GABRB1: variants seen among roughly 807,000 people sequenced by gnomAD.
GABRB1 encodes gamma-aminobutyric acid type A receptor subunit beta1.
A neutral mutation model predicts 51.6 loss-of-function variants in GABRB1; 17 were observed. The observed-to-expected ratio is 0.33, with a 90% CI of 0.23 to 0.49. GABRB1 has a LOEUF of 0.49. GABRB1 is among the 20% of genes least tolerant of loss of function. The pLI is 0.99. For synonymous variants in GABRB1, 247 were observed against 218.9 expected (o/e 1.13, Z -1.14); for missense variants, 410 against 600.6 (o/e 0.68, Z 3.32).
intron 4 of GABRB1, among the ~76,000 whole-genome samples, chr4:47,301,456 G>A (rs532291739): frequency 6.5e-4 from 94 of 143,624 alleles, no homozygotes; most frequent in Non-Finnish European, 1.0e-3. Context: ...GGACAACATA[G>A]TGAGATCCCC....
chr4:47,278,680 A>G (rs1723170798), intron 4 of GABRB1, among the ~76,000 whole-genome samples: 1 of 152,106 alleles, frequency 6.6e-6, no homozygotes, highest in Non-Finnish European at 1.5e-5. Flanking sequence ...ATACGTTTCC[A>G]TTTCTGCTCC....
chr4:47,338,726 G>C (rs891337660), intron 5 of GABRB1, among the ~76,000 whole-genome samples: 91 of 152,282 alleles, frequency 6.0e-4, no homozygotes, highest in Non-Finnish European at 9.1e-4. Context: ...TGATTGCTCA[G>C]CCCGCTTGGT....
Position 47,265,194 on chromosome 4 carries a change from T to A in GABRB1, c.462-54933T>A, listed in dbSNP as rs56781609. 9.1e-3 allele frequency among the ~76,000 whole-genome samples: 1,393 copies of A among 152,292 alleles called. 21 individuals are homozygous for A. Among genetic ancestry groups the A allele is most frequent in the African/African-American group, 0.032 (1,335 of 41,572 alleles). ...TTTAGCTCCCACTTATAGGTGAGAA[T>A]GTGCAATATTTGACTTTCTGTGTCT... On this transcript the variant is annotated intron_variant, in intron 4 of 8. Coordinates refer to ENST00000295454, the MANE Select transcript of GABRB1 (RefSeq NM_000812.4).
At chr4:47,331,890 C>T (rs1725498786) in intron 5 of GABRB1, among the ~76,000 whole-genome samples, 1 of 152,172 alleles carries the variant, frequency 6.6e-6, no homozygotes, top group Non-Finnish European at 1.5e-5. Flanking sequence ...GATTTGAACT[C>T]AGTCAATCTG....
At chr4:47,325,765 T>C (rs567637713) in intron 5 of GABRB1, among the ~76,000 whole-genome samples, 97 of 152,340 alleles carry the variant, frequency 6.4e-4, no homozygotes, top group Non-Finnish European at 1.3e-3. Context: ...GAGGCTTTCT[T>C]GAGACTCCTC....
At chr4:47,373,568 A>C in intron 5 of GABRB1, among the ~76,000 whole-genome samples, 1 of 152,206 alleles carries the variant, frequency 6.6e-6, no homozygotes, top group East Asian at 1.9e-4. Flanking sequence ...TCTGCTTCTT[A>C]ATGTGTTGTG....
chr4:47,391,530 C>A (rs773573324), intron 5 of GABRB1, among the ~76,000 whole-genome samples: 4 of 152,210 alleles, frequency 2.6e-5, no homozygotes, highest in Non-Finnish European at 5.9e-5. Context: ...ATATGTTTCT[C>A]ACCTAGGATC....
chr4:47,051,027 G>A (rs1726327510), intron 3 of GABRB1, among the ~76,000 whole-genome samples: 1 of 152,058 alleles, frequency 6.6e-6, no homozygotes, highest in South Asian at 2.1e-4. Flanking sequence ...TGTGTGTTGG[G>A]TCAAGAAAAA....
At chr4:47,071,353 AC>A (rs751080494) in intron 3 of GABRB1, among the ~76,000 whole-genome samples, 23 of 152,266 alleles carry the variant, frequency 1.5e-4, no homozygotes, top group Non-Finnish European at 2.4e-4. Context: ...CTTTGCTCCC[AC>A]ATGTCAATGA....
At chr4:47,287,949 C>A (rs1335097824) in intron 4 of GABRB1, among the ~76,000 whole-genome samples, 1 of 152,206 alleles carries the variant, frequency 6.6e-6, no homozygotes, top group African/African-American at 2.4e-5. Flanking sequence ...CTCAGTGGAG[C>A]TTTCAGATAT....
intron 1 of GABRB1, among the ~76,000 whole-genome samples, chr4:46,997,604 T>G (rs1577809637): frequency 6.6e-6 from 1 of 152,080 alleles, no homozygotes; most frequent in East Asian, 1.9e-4. Context: ...CATATTTATT[T>G]TTCTGTGCTA....
chr4:47,133,025 A>T (rs1196550014), intron 3 of GABRB1, among the ~76,000 whole-genome samples: 1 of 151,872 alleles, frequency 6.6e-6, no homozygotes, highest in East Asian at 1.9e-4. Context: ...GAAACCCATC[A>T]CTCTGTATCT....
At chr4:47,044,720 C>A (rs1313379783) in intron 3 of GABRB1, among the ~76,000 whole-genome samples, 1 of 152,042 alleles carries the variant, frequency 6.6e-6, no homozygotes, top group Non-Finnish European at 1.5e-5. Flanking sequence ...GTAACATTAA[C>A]TCACATTATG....
chr4:47,154,231 G>A (rs1717583606), intron 3 of GABRB1, among the ~76,000 whole-genome samples: 1 of 146,528 alleles, frequency 6.8e-6, no homozygotes. Context: ...TTCACTGAAT[G>A]TCTTTGTCAC....
chr4:47,114,171 GT>G (rs369696872), intron 3 of GABRB1, among the ~76,000 whole-genome samples: 3 of 147,004 alleles, frequency 2.0e-5, no homozygotes, highest in Non-Finnish European at 4.5e-5. Context: ...GTATAGTGAT[GT>G]TTTTAGGCAG....
chr4:47,413,069 T>G (rs934207344), intron 8 of GABRB1, among the ~76,000 whole-genome samples: 1 of 152,216 alleles, frequency 6.6e-6, no homozygotes, highest in Non-Finnish European at 1.5e-5. Context: ...CCTTTTCTAC[T>G]GGCACAGCTG....
intron 3 of GABRB1, among the ~76,000 whole-genome samples, chr4:47,045,273 T>C (rs1457639873): frequency 6.6e-6 from 1 of 152,092 alleles, no homozygotes; most frequent in Non-Finnish European, 1.5e-5. Context: ...GATTACAGTA[T>C]GCCACTCAAA....
At chr4:47,075,213 A>G (rs1577883945) in intron 3 of GABRB1, among the ~76,000 whole-genome samples, 1 of 152,242 alleles carries the variant, frequency 6.6e-6, no homozygotes, top group East Asian at 1.9e-4. Context: ...TTTTGCCTGC[A>G]GTCTCTGACC....
intron 1 of GABRB1, among the ~76,000 whole-genome samples, chr4:47,018,940 A>G (rs1286978329): frequency 1.3e-5 from 2 of 152,114 alleles, no homozygotes; most frequent in African/African-American, 4.8e-5. Context: ...TTTCTTCATC[A>G]TTTTTGCTCT....
Sources: gnomAD v4.1 joint callset for allele counts (sites outside exome capture counted in the v4.1 genomes callset) on GRCh38, gnomAD v4.1.1 for gene constraint, MANE v1.5 for transcripts, NCBI Gene and HGNC (gene_info 2026-07-23, HGNC 2026-07-21) for gene names.